GSE1: variants seen among roughly 807,000 people sequenced by gnomAD.
GSE1 encodes Gse1 coiled-coil protein, also known as genetic suppressor element 1.
In GSE1, 32 loss-of-function variants were observed where a neutral mutation model predicts 112.6. The observed-to-expected ratio is 0.28, with a 90% CI of 0.21 to 0.38. The LOEUF (loss-of-function observed/expected upper bound fraction) is 0.38. Among genes scored for constraint, GSE1 ranks in the 10% least tolerant of loss-of-function variants. The pLI is 1.00. For missense variants in GSE1, 2,348 were observed against 1,699.2 expected, an observed-to-expected ratio of 1.38 and a Z score of -6.71; for synonymous variants, 1,115 against 735.6, an observed-to-expected ratio of 1.52 and a Z score of -8.35.
intron 1 of GSE1, among the ~76,000 whole-genome samples, chr16:85,590,390 CAT>C (rs1464972092): frequency 6.9e-6 from 1 of 145,350 alleles, no homozygotes; most frequent in Non-Finnish European, 1.5e-5. Context: ...ATTGTGTGAA[CAT>C]GTGTGACATT....
At chr16:85,555,570 C>A, upstream of GSE1, 1 of 930,460 alleles carries the variant, frequency 1.1e-6, no homozygotes, top group African/African-American at 1.8e-5. Context: ...CTCCCGCTCG[C>A]CCCCTCCTCC....
At chr16:85,545,501 T>C (rs1341782339) in intron 2 of GSE1, among the ~76,000 whole-genome samples, 1 of 152,110 alleles carries the variant, frequency 6.6e-6, no homozygotes, top group Non-Finnish European at 1.5e-5. Flanking sequence ...ATGAGAGAGT[T>C]GAAAATACAG....
chr16:85,388,292 GTGGATGGATGGATGGATGGA>G (rs760888229), intron 2 of GSE1, among the ~76,000 whole-genome samples: 1 of 47,628 alleles, frequency 2.1e-5, no homozygotes, highest in Non-Finnish European at 3.8e-5. Flanking sequence ...GGATGGGTGG[GTGGATGGATGGATGGATGGA>G]TGGATGGATG....
chr16:85,326,795 C>T (rs947742555), intron 1 of GSE1, among the ~76,000 whole-genome samples: 1 of 152,196 alleles, frequency 6.6e-6, no homozygotes, highest in Non-Finnish European at 1.5e-5. Context: ...TCAGCAAGCA[C>T]GTGTGGGCAC....
chr16:85,427,692 C>T (rs968545449), intron 2 of GSE1, among the ~76,000 whole-genome samples: 2 of 150,688 alleles, frequency 1.3e-5, no homozygotes, highest in African/African-American at 4.9e-5. Flanking sequence ...ATTAGCTGGG[C>T]GTGGTGGCAT....
chr16:85,339,385 C>T (rs187510191), intron 1 of GSE1, among the ~76,000 whole-genome samples: 6 of 152,240 alleles, frequency 3.9e-5, no homozygotes, highest in Non-Finnish European at 8.8e-5. Flanking sequence ...GGACAAATGG[C>T]CGCGGTGCTG....
chr16:85,425,210 T>A (rs1345849247), intron 2 of GSE1, among the ~76,000 whole-genome samples: 2 of 152,266 alleles, frequency 1.3e-5, no homozygotes, highest in Non-Finnish European at 2.9e-5. Context: ...CCAGCCACGA[T>A]AGAAGCTGCT....
intron 1 of GSE1, among the ~76,000 whole-genome samples, chr16:85,278,330 G>A (rs560406743): frequency 1.3e-5 from 2 of 152,338 alleles, no homozygotes; most frequent in East Asian, 3.9e-4. Context: ...CTCCACACAT[G>A]CCTGAAGCAG....
chr16:85,234,304 A>C (rs972720577), intron 1 of GSE1, among the ~76,000 whole-genome samples: 1 of 152,048 alleles, frequency 6.6e-6, no homozygotes, highest in Non-Finnish European at 1.5e-5. Flanking sequence ...CTCCTCTCTT[A>C]CTAGCTTTGG....
intron 9 of GSE1, 31 bp downstream of exon 9, chr16:85,661,796 A>G (rs1284691197): frequency 6.8e-7 from 1 of 1,471,512 alleles, no homozygotes; most frequent in Non-Finnish European, 9.0e-7. Context: ...CGAGCTGCTC[A>G]GGGAGAGCCG....
chr16:85,620,970 G>A (rs1383700156), intron 1 of GSE1, among the ~76,000 whole-genome samples: 1 of 144,652 alleles, frequency 6.9e-6, no homozygotes, highest in Non-Finnish European at 1.5e-5. Context: ...GGGAACCCGT[G>A]TAGATGGTCT....
chr16:85,262,781 C>T (rs377676873), intron 1 of GSE1, among the ~76,000 whole-genome samples: 3 of 152,310 alleles, frequency 2.0e-5, no homozygotes, highest in East Asian at 1.9e-4. Flanking sequence ...ATGCTTGCTC[C>T]GTCTCTCACA....
At chr16:85,283,006 G>C (rs948651266) in intron 1 of GSE1, 1 of 152,444 alleles carries the variant, frequency 6.6e-6, no homozygotes, top group African/African-American at 2.4e-5. Context: ...GCCTGGGGTC[G>C]GGCAGGGGGA....
intron 1 of GSE1, among the ~76,000 whole-genome samples, chr16:85,618,128 G>A (rs1002096185): frequency 3.3e-5 from 5 of 152,100 alleles, no homozygotes; most frequent in Admixed American, 2.0e-4. Flanking sequence ...TTCTGGAACC[G>A]GTTCCTCCAG....
chr16:85,556,448 C>A lies in GSE1; in HGVS notation c.37+85C>A, dbSNP rs547013430. On this transcript the variant is annotated intron_variant, in intron 1 of 2. Coordinates refer to the GSE1 transcript ENST00000635906. ...CTCACCCGACCCCCCTCCGCCAGACCCCCGAGCCAGGGTCGGGGCATTGGG... is the reference window on the plus strand; with the variant it reads ...CTCACCCGACCCCCCTCCGCCAGACACCCGAGCCAGGGTCGGGGCATTGGG... The A allele has an allele frequency of 2.0e-4, 114 of 563,504 alleles. No individual in the cohort carries two copies. The African/African-American group carries it at 2.1e-3, about 10-fold the overall frequency. The allele number at this position is 563,504 out of a possible 1,614,324, so 34.9% of individuals were successfully genotyped here.
intron 2 of GSE1, among the ~76,000 whole-genome samples, chr16:85,515,355 G>GC (rs1279192971): frequency 6.6e-6 from 1 of 152,184 alleles, no homozygotes; most frequent in Non-Finnish European, 1.5e-5. Flanking sequence ...AGCCTCCTGG[G>GC]CCGTGGGGCT....
At chr16:85,187,854 G>C (rs1658390933) in intron 1 of GSE1, among the ~76,000 whole-genome samples, 1 of 152,242 alleles carries the variant, frequency 6.6e-6, no homozygotes, top group South Asian at 2.1e-4. Context: ...TTATTTAGGG[G>C]CAGAGGAAAG....
intron 1 of GSE1, among the ~76,000 whole-genome samples, chr16:85,562,718 C>T (rs543306938): frequency 1.1e-4 from 16 of 152,290 alleles, no homozygotes; most frequent in East Asian, 1.9e-4. Context: ...GACATGGACA[C>T]GTGTTGGGGG....
At chr16:85,651,642 G>C (rs114380497) in intron 3 of GSE1, among the ~76,000 whole-genome samples, 7,001 of 152,284 alleles carry the variant, frequency 0.046, 336 homozygotes, top group African/African-American at 0.12. Flanking sequence ...TTGGTAGTTT[G>C]ACCCTGGGTG....
Sources: gnomAD v4.1 joint callset for allele counts (sites outside exome capture counted in the v4.1 genomes callset) on GRCh38, gnomAD v4.1.1 for gene constraint, MANE v1.5 for transcripts, NCBI Gene and HGNC (gene_info 2026-07-23, HGNC 2026-07-21) for gene names.